The following KCNH1 variants were observed in gnomAD, a reference collection of about 807,000 sequenced individuals.
The protein encoded by KCNH1 is potassium voltage-gated channel subfamily H member 1.
Under a neutral mutation model 69.2 loss-of-function variants are expected in KCNH1, and 27 were observed. The ratio of observed to expected loss-of-function variants is 0.39; its 90% confidence interval spans 0.29 to 0.54. The LOEUF is 0.54. Ranked by LOEUF, KCNH1 falls within the 20% of genes least tolerant of loss-of-function variation. The pLI is 0.68. For synonymous variants in KCNH1, 456 were observed against 487.7 expected (o/e 0.93, Z 0.86); for missense variants, 798 against 1,261.6 (o/e 0.63, Z 5.57).
intron 7 of KCNH1, among the ~76,000 whole-genome samples, chr1:210,904,357 C>T (rs1487531127): frequency 6.6e-6 from 1 of 152,116 alleles, no homozygotes; most frequent in African/African-American, 2.4e-5. Context: ...GAGCCTTCCC[C>T]CATGCTTCCC....
intron 5 of KCNH1, among the ~76,000 whole-genome samples, chr1:211,053,879 A>G (rs56087197): frequency 0.33 from 50,662 of 152,072 alleles, 9,022 homozygotes; most frequent in Admixed American, 0.39. Context: ...TTCTGAAGCA[A>G]TAAAAAACGA....
At chr1:210,784,580 G>A (rs1410067485) in intron 9 of KCNH1, among the ~76,000 whole-genome samples, 2 of 152,158 alleles carry the variant, frequency 1.3e-5, no homozygotes, top group African/African-American at 2.4e-5. Flanking sequence ...TGCTGAGGGG[G>A]CCTTGGCTGC....
chr1:211,029,187 G>T (rs1440259513), intron 5 of KCNH1, among the ~76,000 whole-genome samples: 1 of 143,324 alleles, frequency 7.0e-6, no homozygotes, highest in African/African-American at 2.6e-5. Flanking sequence ...AAAAAAAAAG[G>T]TCAGGGGTGG....
intron 5 of KCNH1, among the ~76,000 whole-genome samples, chr1:211,075,394 T>C (rs1690714730): frequency 6.6e-6 from 1 of 152,204 alleles, no homozygotes; most frequent in Non-Finnish European, 1.5e-5. Context: ...AGCTGCATCA[T>C]GTTGGTAGTG....
chr1:211,055,801 C>T (rs1690293518), intron 5 of KCNH1, among the ~76,000 whole-genome samples: 5 of 152,336 alleles, frequency 3.3e-5, no homozygotes, highest in African/African-American at 4.8e-5. Flanking sequence ...CACTTCTAGA[C>T]ACACCATGGG....
At chr1:210,926,878 C>T (rs527799124) in intron 6 of KCNH1, among the ~76,000 whole-genome samples, 1 of 152,120 alleles carries the variant, frequency 6.6e-6, no homozygotes, top group South Asian at 2.1e-4. Flanking sequence ...AAAAAACAAT[C>T]ACAACTTCTG....
chr1:210,692,098 A>G (rs1433092946), intron 10 of KCNH1, among the ~76,000 whole-genome samples: 3 of 152,162 alleles, frequency 2.0e-5, no homozygotes, highest in African/African-American at 7.2e-5. Flanking sequence ...TCCCACCACC[A>G]TGCAGCATCT....
At chr1:211,023,656 T>C (rs1571586490) in intron 5 of KCNH1, among the ~76,000 whole-genome samples, 1 of 151,894 alleles carries the variant, frequency 6.6e-6, no homozygotes, top group African/African-American at 2.4e-5. Flanking sequence ...CTGAGAATGG[T>C]ACAGGAAGAG....
chr1:210,763,891 A>G (rs919885076), intron 10 of KCNH1, among the ~76,000 whole-genome samples: 2 of 152,182 alleles, frequency 1.3e-5, no homozygotes, highest in Non-Finnish European at 2.9e-5. Flanking sequence ...TATGGAACCA[A>G]AAAACAGCGC....
At chr1:210,775,603 C>T in intron 9 of KCNH1, 59 bp from the exon 10 acceptor site, 1 of 1,375,582 alleles carries the variant, frequency 7.3e-7, no homozygotes, top group Non-Finnish European at 1.0e-6. Context: ...GCCCATCCAG[C>T]TGGCTTCCCT....
At position 210,796,641 on chromosome 1, in the gene KCNH1, C is replaced by T. The variant is rs191542276; in HGVS notation, c.1915+867G>A. 8.1e-4 allele frequency among the ~76,000 whole-genome samples: 123 copies of T among 152,224 alleles called. 1 individual carries two copies. The South Asian group carries it at 8.9e-3, about 11-fold the overall frequency. On this transcript the variant is annotated intron_variant, in intron 9 of 10. Coordinates refer to ENST00000271751, the MANE Select transcript of KCNH1 (RefSeq NM_172362.3). ...TTATCCATGTGAGAAAACCTATAGTCCTCGCTGACTCCTCCTTCCCCGCCA... is the reference window on the plus strand; with the variant it reads ...TTATCCATGTGAGAAAACCTATAGTTCTCGCTGACTCCTCCTTCCCCGCCA...
intron 7 of KCNH1, among the ~76,000 whole-genome samples, chr1:210,835,055 CT>C (rs1685253032): frequency 6.6e-6 from 1 of 152,182 alleles, no homozygotes; most frequent in Non-Finnish European, 1.5e-5. Flanking sequence ...GAGAACTGGA[CT>C]GATGATCTTC....
intron 5 of KCNH1, among the ~76,000 whole-genome samples, chr1:211,070,437 AC>A (rs1437368794): frequency 1.3e-5 from 2 of 150,474 alleles, no homozygotes. Flanking sequence ...AAAAACACAC[AC>A]ACACACACAC....
At chr1:210,994,394 T>G (rs562592686) in intron 6 of KCNH1, among the ~76,000 whole-genome samples, 1 of 152,276 alleles carries the variant, frequency 6.6e-6, no homozygotes, top group South Asian at 2.1e-4. Context: ...CAAATTGAGT[T>G]GAGTCATAAT....
chr1:210,871,888 T>A (rs1423983346), intron 7 of KCNH1, among the ~76,000 whole-genome samples: 44 of 107,124 alleles, frequency 4.1e-4, no homozygotes, highest in Non-Finnish European at 6.8e-4. Context: ...AACATCACAC[T>A]CTGGGGACTG....
intron 7 of KCNH1, among the ~76,000 whole-genome samples, chr1:210,871,614 G>A (rs1686249506): frequency 6.6e-6 from 1 of 152,050 alleles, no homozygotes; most frequent in Admixed American, 6.6e-5. Flanking sequence ...TATGTTTATT[G>A]CGGCATTATT....
intron 10 of KCNH1, among the ~76,000 whole-genome samples, chr1:210,766,749 G>T (rs1683642664): frequency 6.6e-6 from 1 of 152,222 alleles, no homozygotes; most frequent in African/African-American, 2.4e-5. Flanking sequence ...AACAAAGTTT[G>T]CAGAGAGATA....
At chr1:210,942,270 G>C (rs1158052200) in intron 6 of KCNH1, among the ~76,000 whole-genome samples, 1 of 152,090 alleles carries the variant, frequency 6.6e-6, no homozygotes, top group Non-Finnish European at 1.5e-5. Context: ...CCACCAAGAG[G>C]AGTCTCATGG....
chr1:210,796,575 C>A (rs1190467510), intron 9 of KCNH1, among the ~76,000 whole-genome samples: 1 of 152,178 alleles, frequency 6.6e-6, no homozygotes, highest in African/African-American at 2.4e-5. Flanking sequence ...GCTCCTCCTC[C>A]CACATTCTCT....
Sources: allele counts gnomAD v4.1 joint callset (sites outside exome capture counted in the v4.1 genomes callset), GRCh38; gene constraint gnomAD v4.1.1; transcripts MANE v1.5; gene names NCBI Gene and HGNC (gene_info 2026-07-23, HGNC 2026-07-21).